Variants in NTM observed in about 807,000 individuals in gnomAD.
The protein encoded by NTM is IgLON family member 2.
NTM carries 13 observed loss-of-function variants against 42.1 expected under a neutral mutation model. The ratio of observed to expected loss-of-function variants is 0.31; its 90% CI spans 0.20 to 0.49. NTM has a LOEUF of 0.49. Among genes scored for constraint, NTM ranks in the 20% least tolerant of loss-of-function variants. NTM has a pLI of 0.99. For synonymous variants in NTM, 187 were observed against 179.2 expected, an observed-to-expected ratio of 1.04 and a Z score of -0.35; for missense variants, 373 against 452.8, an observed-to-expected ratio of 0.82 and a Z score of 1.60.
chr11:131,806,849 A>G (rs2092516263), intron 1 of NTM, among the ~76,000 whole-genome samples: 1 of 152,226 alleles, frequency 6.6e-6, no homozygotes, highest in Non-Finnish European at 1.5e-5. Flanking sequence ...AAGATGAGCT[A>G]TACAGTCTCT....
At chr11:131,784,337 T>C (rs987226992) in intron 1 of NTM, among the ~76,000 whole-genome samples, 10 of 152,200 alleles carry the variant, frequency 6.6e-5, no homozygotes, top group Non-Finnish European at 1.3e-4. Context: ...CCAAAACTAA[T>C]ACTAATTCAA....
intron 1 of NTM, among the ~76,000 whole-genome samples, chr11:131,824,972 G>C (rs2041959068): frequency 6.6e-6 from 1 of 152,168 alleles, no homozygotes; most frequent in African/African-American, 2.4e-5. Context: ...CTGTAGTAAA[G>C]TATTGCGAAA....
At chr11:132,094,096 C>T (rs1043722958) in intron 2 of NTM, among the ~76,000 whole-genome samples, 2 of 152,152 alleles carry the variant, frequency 1.3e-5, no homozygotes, top group East Asian at 3.9e-4. Context: ...CAGTTGGCCA[C>T]CTTTGATTGG....
intron 4 of NTM, among the ~76,000 whole-genome samples, chr11:132,250,850 T>C (rs1318189834): frequency 6.6e-6 from 1 of 152,176 alleles, no homozygotes; most frequent in Non-Finnish European, 1.5e-5. Context: ...TTATCTGATA[T>C]ATTTGTATAT....
rs895879602 is a variant in NTM, at chr11:132,315,120, T to C, written c.934+417T>C. On this transcript the variant is annotated intron_variant, in intron 7 of 8. Coordinates refer to ENST00000683400, the MANE Select transcript of NTM (RefSeq NM_001352005.2). ...GTGATGATGGCTCCTAAGCTGACTG[T>C]GGGAATCATAATTGGGTAAAATAGT... 5.1e-6 allele frequency: 5 copies of C among 981,688 alleles called. No individual in the cohort carries two copies. The African/African-American group carries it at 8.7e-5, about 17-fold the overall frequency. 60.8% of individuals were successfully genotyped at this position (981,688 alleles called of 1,614,324 possible). A position where few individuals can be genotyped will look rare whatever the true frequency, so the allele number is the denominator to read the frequency against.
rs1169788956 is a variant in NTM at position 132,335,191 on chromosome 11, A to G, written c.*45A>G. The G allele has an allele frequency of 6.2e-7, 1 of 1,605,640 alleles. No homozygotes were observed. Among genetic ancestry groups the G allele is most frequent in the Non-Finnish European group, 8.5e-7 (1 of 1,177,302 alleles). ...CCCGGGAAAGGCTGCCGCCACCACC[A>G]CCACCAACACAACAGCAATGGCAAC... On this transcript the variant is annotated 3_prime_UTR_variant, in exon 9 of 9. Coordinates refer to ENST00000683400, the MANE Select transcript of NTM (RefSeq NM_001352005.2).
At chr11:132,333,620 T>C (rs2095840358) in intron 8 of NTM, among the ~76,000 whole-genome samples, 1 of 152,172 alleles carries the variant, frequency 6.6e-6, no homozygotes, top group South Asian at 2.1e-4. Flanking sequence ...TTGTGTTTTC[T>C]CCTTAATGCA....
intron 1 of NTM, among the ~76,000 whole-genome samples, chr11:131,674,106 G>T (rs977070941): frequency 6.6e-6 from 1 of 152,240 alleles, no homozygotes; most frequent in Non-Finnish European, 1.5e-5. Context: ...TGAGCAGGTA[G>T]GCAGGAGGAA....
At chr11:132,063,893 T>A (rs2081055423) in intron 2 of NTM, among the ~76,000 whole-genome samples, 1 of 152,124 alleles carries the variant, frequency 6.6e-6, no homozygotes, top group Non-Finnish European at 1.5e-5. Flanking sequence ...TCTCTAAGCT[T>A]TTAGTCAACT....
At chr11:132,131,797 G>A (rs1026314311) in intron 2 of NTM, among the ~76,000 whole-genome samples, 1 of 152,160 alleles carries the variant, frequency 6.6e-6, no homozygotes, top group Admixed American at 6.5e-5. Context: ...ACTGAAGAGG[G>A]TTGCGTGTGG....
At chr11:131,735,073 C>G (rs1167631865) in intron 1 of NTM, among the ~76,000 whole-genome samples, 1 of 152,204 alleles carries the variant, frequency 6.6e-6, no homozygotes, top group Non-Finnish European at 1.5e-5. Context: ...ACTGAGGTCT[C>G]CAGAGGTGCT....
chr11:132,240,232 C>G (rs1240288615), intron 4 of NTM, among the ~76,000 whole-genome samples: 9 of 152,216 alleles, frequency 5.9e-5, no homozygotes, highest in Non-Finnish European at 1.3e-4. Context: ...ATATAAATAA[C>G]TTTTTGTGAT....
At chr11:131,581,664 G>A (rs972482720) in intron 1 of NTM, among the ~76,000 whole-genome samples, 1 of 152,156 alleles carries the variant, frequency 6.6e-6, no homozygotes, top group African/African-American at 2.4e-5. Context: ...CCATTTCAAA[G>A]TTTGGTTTGA....
At chr11:131,499,436 G>A (rs934138532) in intron 1 of NTM, among the ~76,000 whole-genome samples, 8 of 152,038 alleles carry the variant, frequency 5.3e-5, no homozygotes, top group African/African-American at 7.2e-5. Flanking sequence ...TCCCCAGCCC[G>A]GTCTGAGCCA....
At chr11:132,075,804 A>C (rs1159245986) in intron 2 of NTM, among the ~76,000 whole-genome samples, 7 of 152,236 alleles carry the variant, frequency 4.6e-5, no homozygotes, top group Non-Finnish European at 8.8e-5. Context: ...TTCTGAAGAA[A>C]ATGTGAAACA....
intron 1 of NTM, among the ~76,000 whole-genome samples, chr11:131,441,615 C>T (rs563691590): frequency 8.5e-5 from 13 of 152,198 alleles, no homozygotes; most frequent in South Asian, 2.1e-4. Context: ...ATGGCAGCTC[C>T]GATATATCTC....
At chr11:131,871,057 T>TA (rs1248349890) in intron 1 of NTM, among the ~76,000 whole-genome samples, 9 of 152,208 alleles carry the variant, frequency 5.9e-5, no homozygotes, top group Admixed American at 5.2e-4. Context: ...ATTACATTTT[T>TA]ATGAGACTGT....
chr11:131,470,363 T>A (rs1238657221), intron 1 of NTM, among the ~76,000 whole-genome samples: 1 of 152,232 alleles, frequency 6.6e-6, no homozygotes, highest in Non-Finnish European at 1.5e-5. Context: ...ATTAGCCATT[T>A]TTCACTCCAA....
In NTM at chr11:131,377,695, C is replaced by T. The variant is rs117277685; in HGVS notation, c.82+6807C>T. 9.8e-3 allele frequency among the ~76,000 whole-genome samples: 1,497 copies of T among 152,308 alleles called. 11 individuals carry two copies. The highest frequency in any genetic ancestry group is 0.048 in the Middle Eastern group (14 of 294). On this transcript the variant is annotated intron_variant, in intron 1 of 8. Coordinates refer to ENST00000683400, the MANE Select transcript of NTM (RefSeq NM_001352005.2). ...TTGGGCGTCACATTGTGTAGTTGTT[C>T]TCCTACACACCCATCTTCTTTCAAT... is the stretch of plus-strand genomic sequence containing the variant.
Sources: gnomAD v4.1 joint callset for allele counts (sites outside exome capture counted in the v4.1 genomes callset) on GRCh38, gnomAD v4.1.1 for gene constraint, MANE v1.5 for transcripts, NCBI Gene and HGNC (gene_info 2026-07-23, HGNC 2026-07-21) for gene names.